CNTN1: variants seen among roughly 807,000 people sequenced by gnomAD.
CNTN1 encodes the protein contactin 1.
CNTN1 carries 38 observed loss-of-function variants against 126.4 expected under a neutral mutation model. The observed-to-expected ratio is 0.30, with a 90% CI of 0.23 to 0.39. The LOEUF is 0.39. Ranked by LOEUF, CNTN1 falls within the 10% of genes least tolerant of loss-of-function variation. The pLI is 1.00. For synonymous variants in CNTN1, 413 were observed against 422.6 expected (o/e 0.98, Z 0.28); for missense variants, 1,009 against 1,248.4 (o/e 0.81, Z 2.89).
chr12:40,884,792 T>C (rs531124180), intron 1 of CNTN1, among the ~76,000 whole-genome samples: 1 of 151,790 alleles, frequency 6.6e-6, no homozygotes, highest in East Asian at 1.9e-4. Context: ...GTGAGTTCCT[T>C]ATAGCTATGT....
chr12:40,731,969 T>C (rs1340128947), intron 1 of CNTN1, among the ~76,000 whole-genome samples: 1 of 152,050 alleles, frequency 6.6e-6, no homozygotes, highest in African/African-American at 2.4e-5. Flanking sequence ...TATGAACTCT[T>C]GGGGAACAGG....
At chr12:41,041,243 C>G (rs1372654781) in intron 23 of CNTN1, among the ~76,000 whole-genome samples, 1 of 152,096 alleles carries the variant, frequency 6.6e-6, no homozygotes, top group Non-Finnish European at 1.5e-5. Context: ...ATTGAACCAG[C>G]CTTGCATCCC....
chr12:40,797,103 T>C (rs2136476513), intron 1 of CNTN1, among the ~76,000 whole-genome samples: 1 of 152,166 alleles, frequency 6.6e-6, no homozygotes, highest in Non-Finnish European at 1.5e-5. Flanking sequence ...TCAAAAAATA[T>C]TTTTGGCACC....
At chr12:40,960,181 G>T (rs1947055725) in intron 15 of CNTN1, among the ~76,000 whole-genome samples, 1 of 151,022 alleles carries the variant, frequency 6.6e-6, no homozygotes. Flanking sequence ...TATAGCAGTT[G>T]GTACACAGTT....
intron 14 of CNTN1, among the ~76,000 whole-genome samples, chr12:40,947,839 C>T (rs1227782536): frequency 6.8e-6 from 1 of 146,578 alleles, no homozygotes; most frequent in Admixed American, 6.9e-5. Flanking sequence ...ATATGTATTA[C>T]TCTTATTACA....
chr12:40,739,012 A>G (rs1043629809), intron 1 of CNTN1, among the ~76,000 whole-genome samples: 2 of 152,044 alleles, frequency 1.3e-5, no homozygotes, highest in African/African-American at 4.8e-5. Flanking sequence ...TTGGGTGCAC[A>G]TGACAGTCAT....
At chr12:40,826,128 T>C (rs573375119) in intron 1 of CNTN1, among the ~76,000 whole-genome samples, 9 of 152,186 alleles carry the variant, frequency 5.9e-5, no homozygotes, top group Non-Finnish European at 1.3e-4. Context: ...CATTTGTAAT[T>C]ATCGTAGGTT....
At chr12:40,832,662 T>C (rs189343491) in intron 1 of CNTN1, among the ~76,000 whole-genome samples, 4 of 152,334 alleles carry the variant, frequency 2.6e-5, no homozygotes, top group Admixed American at 1.3e-4. Flanking sequence ...ATTTTCTGAA[T>C]TCTGATACTT....
intron 1 of CNTN1, among the ~76,000 whole-genome samples, chr12:40,701,097 T>C (rs930756245): frequency 6.6e-6 from 1 of 152,222 alleles, no homozygotes; most frequent in Admixed American, 6.5e-5. Flanking sequence ...TTTAGTACTT[T>C]GTGAGTCACG....
At chr12:40,910,146 C>G (rs754789079) in intron 3 of CNTN1, 41 bp downstream of exon 3, 2 of 1,455,680 alleles carry the variant, frequency 1.4e-6, no homozygotes, top group African/African-American at 2.8e-5. Flanking sequence ...CATCTTTTCT[C>G]TATTGAATCA....
chr12:40,836,284 AAC>A (rs1942058204), intron 1 of CNTN1, among the ~76,000 whole-genome samples: 1 of 148,520 alleles, frequency 6.7e-6, no homozygotes, highest in African/African-American at 2.5e-5. Flanking sequence ...ATGTATATAT[AAC>A]ACATATATGT....
chr12:40,726,593 G>A (rs1355443810), intron 1 of CNTN1, among the ~76,000 whole-genome samples: 2 of 152,170 alleles, frequency 1.3e-5, no homozygotes, highest in Admixed American at 6.6e-5. Context: ...ACCTCCACCT[G>A]TTCCCACCCT....
intron 1 of CNTN1, among the ~76,000 whole-genome samples, chr12:40,811,548 G>A (rs910872341): frequency 1.3e-5 from 2 of 151,942 alleles, no homozygotes; most frequent in Non-Finnish European, 2.9e-5. Context: ...GGCTTTTTTT[G>A]ATAGAAGATT....
chr12:40,782,472 G>T (rs1939841855), intron 1 of CNTN1, among the ~76,000 whole-genome samples: 1 of 151,870 alleles, frequency 6.6e-6, no homozygotes, highest in African/African-American at 2.4e-5. Context: ...TTTGCTAAAA[G>T]TAAGAACATT....
intron 15 of CNTN1, among the ~76,000 whole-genome samples, chr12:40,963,137 G>T (rs921455728): frequency 6.6e-6 from 1 of 151,928 alleles, no homozygotes; most frequent in Non-Finnish European, 1.5e-5. Context: ...AATGAAAATT[G>T]ATGGCCAGGT....
At chr12:41,020,471 T>C in intron 20 of CNTN1, 31 bp downstream of exon 20, 1 of 1,352,696 alleles carries the variant, frequency 7.4e-7, no homozygotes, top group Non-Finnish European at 1.1e-6. Flanking sequence ...ACTAAATACA[T>C]TTATTCATAA....
chr12:40,955,089 C>A (rs1324652034), intron 14 of CNTN1, among the ~76,000 whole-genome samples: 2 of 152,040 alleles, frequency 1.3e-5, no homozygotes, highest in Non-Finnish European at 2.9e-5. Flanking sequence ...GTGTAGTTAA[C>A]TCTTGCCCGA....
At chr12:40,889,583 T>G (rs1269282739) in intron 1 of CNTN1, among the ~76,000 whole-genome samples, 2 of 152,028 alleles carry the variant, frequency 1.3e-5, no homozygotes, top group Non-Finnish European at 2.9e-5. Context: ...AAGCCCCAAA[T>G]CAATGGGAGA....
chr12:40,993,573 ACG>A (rs1948143240), intron 17 of CNTN1, among the ~76,000 whole-genome samples: 1 of 152,040 alleles, frequency 6.6e-6, no homozygotes, highest in Non-Finnish European at 1.5e-5. Context: ...CATTGGAATG[ACG>A]TAAGTATTTA....
Sources: gnomAD v4.1 joint callset for allele counts (sites outside exome capture counted in the v4.1 genomes callset) on GRCh38, gnomAD v4.1.1 for gene constraint, MANE v1.5 for transcripts, NCBI Gene and HGNC (gene_info 2026-07-23, HGNC 2026-07-21) for gene names.